The following FANK1 variants were observed in gnomAD, a reference collection of about 807,000 sequenced individuals.
FANK1 encodes fibronectin type 3 and ankyrin repeat domains protein 1.
FANK1 carries 44 observed loss-of-function variants against 45.3 expected under a neutral mutation model. The ratio of observed to expected loss-of-function variants is 0.97; its 90% CI spans 0.76 to 1.25. The LOEUF is 1.25. FANK1 is among the 50% of genes most tolerant of loss of function. The probability of loss-of-function intolerance (pLI) is 0.00; values close to 1 mark genes in which losing one functional copy is unlikely to be tolerated. For synonymous variants in FANK1, 149 were observed against 152.5 expected (o/e 0.98, Z 0.17); for missense variants, 391 against 424.4 (o/e 0.92, Z 0.69).
At chr10:126,007,590 A>G (rs531271554) in intron 7 of FANK1, among the ~76,000 whole-genome samples, 1 of 152,236 alleles carries the variant, frequency 6.6e-6, no homozygotes, top group Non-Finnish European at 1.5e-5. Context: ...ATGTTTTACT[A>G]AAGCTATGGA....
intron 1 of FANK1, among the ~76,000 whole-genome samples, chr10:125,975,525 G>T (rs1950803258): frequency 6.6e-6 from 1 of 152,060 alleles, no homozygotes; most frequent in Non-Finnish European, 1.5e-5. Flanking sequence ...TTTTAATAAT[G>T]GCCATTCTGA....
chr10:126,009,176 G>A lies in FANK1; in HGVS notation c.927+45G>A, dbSNP rs1195678260. The A allele has an allele frequency of 1.9e-6, 3 of 1,614,060 alleles. No homozygotes were observed. In the African/African-American group the frequency reaches 4.0e-5, roughly 22 times the overall value. On this transcript the variant is annotated intron_variant, in intron 9 of 10. Coordinates refer to ENST00000368693, the MANE Select transcript of FANK1 (RefSeq NM_145235.5). ...TGTAAAGATTTTCCTCGGAGGGGGA[G>A]AAAACATTTATAAGCATGTAAAATT...
chr10:125,906,572 G>C (rs1428699269), intron 1 of FANK1, among the ~76,000 whole-genome samples: 2 of 145,022 alleles, frequency 1.4e-5, no homozygotes, highest in African/African-American at 2.6e-5. Flanking sequence ...TGTTTTACTA[G>C]TGTTGGTTTC....
chr10:125,992,142 A>G (rs1015619514), intron 3 of FANK1, among the ~76,000 whole-genome samples: 6 of 152,180 alleles, frequency 3.9e-5, no homozygotes, highest in Admixed American at 3.9e-4. Context: ...CAGGCCCACA[A>G]AGTCTTGAAG....
chr10:125,954,864 C>T (rs934808577), intron 1 of FANK1, among the ~76,000 whole-genome samples: 19 of 151,798 alleles, frequency 1.3e-4, no homozygotes, highest in Middle Eastern at 3.4e-3. Flanking sequence ...GAGGTTGCAG[C>T]GAGCCAAGAT....
At chr10:125,941,677 G>C (rs917625827) in intron 1 of FANK1, among the ~76,000 whole-genome samples, 1 of 152,168 alleles carries the variant, frequency 6.6e-6, no homozygotes, top group African/African-American at 2.4e-5. Context: ...GTACATTATG[G>C]TATATTCACA....
At chr10:125,950,735 A>G (rs1050801732) in intron 1 of FANK1, among the ~76,000 whole-genome samples, 6 of 151,608 alleles carry the variant, frequency 4.0e-5, no homozygotes, top group Non-Finnish European at 8.8e-5. Flanking sequence ...CAGCCATCCC[A>G]TTACTGGGTA....
intron 6 of FANK1, among the ~76,000 whole-genome samples, chr10:126,002,183 A>G (rs916001798): frequency 6.6e-6 from 1 of 151,916 alleles, no homozygotes; most frequent in African/African-American, 2.4e-5. Flanking sequence ...ATGGTGTTGT[A>G]CGCCTGTAAT....
intron 1 of FANK1, among the ~76,000 whole-genome samples, chr10:125,915,242 A>G (rs1946357777): frequency 6.6e-6 from 1 of 150,982 alleles, no homozygotes; most frequent in Non-Finnish European, 1.5e-5. Flanking sequence ...CTTTTCAAAA[A>G]CAGGGAAAAC....
chr10:125,986,818 G>A (rs952482668), intron 2 of FANK1, among the ~76,000 whole-genome samples: 2 of 152,198 alleles, frequency 1.3e-5, no homozygotes, highest in African/African-American at 4.8e-5. Context: ...GGAATTACTT[G>A]TTTGATGGAT....
chr10:125,917,914 C>G (rs1286535090), intron 1 of FANK1, among the ~76,000 whole-genome samples: 4 of 152,028 alleles, frequency 2.6e-5, no homozygotes, highest in Admixed American at 6.6e-5. Flanking sequence ...GAGACCTCAT[C>G]TCTACTTTAA....
At chr10:125,945,926 C>A (rs1190761688) in intron 1 of FANK1, among the ~76,000 whole-genome samples, 1 of 152,176 alleles carries the variant, frequency 6.6e-6, no homozygotes, top group East Asian at 1.9e-4. Context: ...ACTGCCTCCT[C>A]AAGTGGGTCC....
rs146023987 is a variant in FANK1 at position 125,979,112 on chromosome 10, C to T, written c.14-1049C>T. ...AAGCATGGTTTCTGGGTCGCTCATT[C>T]GGTCATTGCTTCTCTGGGCAGGGGA... is the stretch of plus-strand genomic sequence containing the variant. On this transcript the variant is annotated intron_variant, in intron 1 of 10. Transcript: ENST00000368693. Among the ~76,000 whole-genome samples, 213 of 152,246 alleles carry T rather than the reference C, an allele frequency of 1.4e-3. 8 individuals are homozygous for T. The East Asian group carries it at 0.034, about 24-fold the overall frequency.
chr10:125,929,802 A>G (rs1277469308), intron 1 of FANK1, among the ~76,000 whole-genome samples: 1 of 152,208 alleles, frequency 6.6e-6, no homozygotes, highest in African/African-American at 2.4e-5. Context: ...ATAGGGGCTC[A>G]AAGTTCCTGT....
intron 1 of FANK1, among the ~76,000 whole-genome samples, chr10:125,931,602 G>A (rs953815957): frequency 6.6e-6 from 1 of 152,128 alleles, no homozygotes. Flanking sequence ...GTAGATTCTG[G>A]ATATTAGTCC....
At chr10:125,908,588 G>C (rs1945731611) in intron 1 of FANK1, among the ~76,000 whole-genome samples, 1 of 152,012 alleles carries the variant, frequency 6.6e-6, no homozygotes, top group Admixed American at 6.6e-5. Context: ...AATTGACTTG[G>C]GGACCCAGGG....
rs775648075 is a variant in FANK1 at position 125,988,523 on chromosome 10, A to G, written c.192-28A>G. On this transcript the variant is annotated intron_variant, in intron 2 of 10. Coordinates refer to ENST00000368693, the MANE Select transcript of FANK1 (RefSeq NM_145235.5). The stretch of plus-strand genomic sequence containing the variant: ...AGTGCAGATTAAGCTACCTGGTGTT[A>G]TCAGCATGTTTGTCTCCTCCTGTCT... 5 of 1,610,442 alleles carry G rather than the reference A, an allele frequency of 3.1e-6. No individual in the cohort carries two copies. In the Admixed American group the frequency reaches 8.3e-5, roughly 27 times the overall value.
At chr10:125,949,360 C>T (rs2134163983) in intron 1 of FANK1, among the ~76,000 whole-genome samples, 1 of 152,006 alleles carries the variant, frequency 6.6e-6, no homozygotes, top group South Asian at 2.1e-4. Context: ...GATTGTATAT[C>T]TAGAAAACCC....
intron 1 of FANK1, among the ~76,000 whole-genome samples, chr10:125,947,023 A>G (rs1374687147): frequency 2.7e-4 from 37 of 137,272 alleles, no homozygotes; most frequent in Non-Finnish European, 3.5e-4. Context: ...AAGCTTCATA[A>G]GTGAAGGAGA....
Sources: allele counts gnomAD v4.1 joint callset (sites outside exome capture counted in the v4.1 genomes callset), GRCh38; gene constraint gnomAD v4.1.1; transcripts MANE v1.5; gene names NCBI Gene and HGNC (gene_info 2026-07-23, HGNC 2026-07-21).